FAM227B: variants seen among roughly 807,000 people sequenced by gnomAD.
The protein encoded by FAM227B is family with sequence similarity 227 member B, also known as protein FAM227B.
In FAM227B, 88 loss-of-function variants were observed where a neutral mutation model predicts 73.8. That is an observed-to-expected ratio of 1.19 (90% CI 1.00 to 1.42). FAM227B has a LOEUF of 1.42. Among genes scored for constraint, FAM227B ranks in the 40% most tolerant of loss-of-function variants. The pLI, the probability that FAM227B is intolerant of heterozygous loss-of-function variation, is 0.00. For synonymous variants in FAM227B, 210 were observed against 190.5 expected, an observed-to-expected ratio of 1.10 and a Z score of -0.84; for missense variants, 632 against 590.9, an observed-to-expected ratio of 1.07 and a Z score of -0.72.
At chr15:49,471,099 T>C (rs2054699316) in intron 11 of FAM227B, among the ~76,000 whole-genome samples, 1 of 152,152 alleles carries the variant, frequency 6.6e-6, no homozygotes, top group African/African-American at 2.4e-5. Context: ...AAAAGATAAG[T>C]ACTTTTAAAG....
intron 13 of FAM227B, among the ~76,000 whole-genome samples, chr15:49,357,981 A>G (rs1185693175): frequency 6.6e-6 from 1 of 152,098 alleles, no homozygotes; most frequent in Non-Finnish European, 1.5e-5. Context: ...AGCCAAAGAC[A>G]AAAACCACAT....
intron 11 of FAM227B, among the ~76,000 whole-genome samples, chr15:49,492,469 T>C (rs2057203131): frequency 6.6e-6 from 1 of 151,904 alleles, no homozygotes; most frequent in African/African-American, 2.4e-5. Flanking sequence ...TAAGTTTCTA[T>C]AGTTTACAGC....
intron 8 of FAM227B, chr15:49,574,622 A>C (rs1172797460): frequency 6.5e-6 from 1 of 153,358 alleles, no homozygotes; most frequent in Non-Finnish European, 1.4e-5. Context: ...GCTCAGTCTT[A>C]GGTGGTTCTT....
chr15:49,427,393 T>C (rs1479909150), intron 11 of FAM227B, among the ~76,000 whole-genome samples: 1 of 152,040 alleles, frequency 6.6e-6, no homozygotes, highest in African/African-American at 2.4e-5. Context: ...TCTACTAGAA[T>C]GAAATGCAGC....
chr15:49,601,788 T>A (rs1441308404), intron 3 of FAM227B, among the ~76,000 whole-genome samples: 1 of 152,192 alleles, frequency 6.6e-6, no homozygotes, highest in East Asian at 1.9e-4. Context: ...CTCCCCACAA[T>A]CCTCCCACTC....
At chr15:49,555,876 C>T (rs534600675) in intron 9 of FAM227B, among the ~76,000 whole-genome samples, 6 of 152,286 alleles carry the variant, frequency 3.9e-5, no homozygotes, top group South Asian at 2.1e-4. Flanking sequence ...TCTTGAAGTG[C>T]GTTTTTCAGC....
chr15:49,567,266 T>C (rs1165743100), intron 9 of FAM227B, among the ~76,000 whole-genome samples: 1 of 151,258 alleles, frequency 6.6e-6, no homozygotes, highest in Non-Finnish European at 1.5e-5. Flanking sequence ...CACTGTTTGA[T>C]AACAATTTAA....
intron 11 of FAM227B, chr15:49,424,180 CT>C: frequency 1.1e-6 from 1 of 925,258 alleles, no homozygotes; most frequent in Non-Finnish European, 1.6e-6. Flanking sequence ...AGCAACTACT[CT>C]TTCTTAAATC....
chr15:49,446,887 A>G (rs144772170), intron 11 of FAM227B, among the ~76,000 whole-genome samples: 5 of 151,572 alleles, frequency 3.3e-5, no homozygotes, highest in Admixed American at 1.3e-4. Flanking sequence ...AGTGCTCACT[A>G]AAGAGAAGGA....
Position 49,589,785 on chromosome 15 carries a change from A to T in FAM227B, c.328T>A (p.Ser110Thr). The change falls in exon 4 of 16, where the codon TCT becomes ACT. Residue 110 changes from serine to threonine, a missense_variant. By Grantham distance (58) the Ser-to-Thr change is moderately conservative. Transcript: ENST00000299338. Reference protein sequence around the residue: ...SEIFKWKSMISETSSYRKLER... With the variant: ...SEIFKWKSMITETSSYRKLER... ...AATAAATAAGGCTCACTTGTCTCAG[A>T]AATCATGCTTTTCCACTTAAATATT... The T allele has an allele frequency of 1.9e-6, 3 of 1,566,814 alleles. No homozygotes were observed. The South Asian group carries it at 3.3e-5, about 17-fold the overall frequency.
chr15:49,431,133 T>TG (rs2050579907), intron 11 of FAM227B, among the ~76,000 whole-genome samples: 1 of 151,840 alleles, frequency 6.6e-6, no homozygotes, highest in African/African-American at 2.4e-5. Flanking sequence ...TTAAGTAATA[T>TG]GGAGAAAAAT....
chr15:49,452,438 C>T (rs1036750089), intron 11 of FAM227B, among the ~76,000 whole-genome samples: 2 of 152,154 alleles, frequency 1.3e-5, no homozygotes, highest in East Asian at 1.9e-4. Flanking sequence ...TATTTCTATA[C>T]TTGCTATGGG....
At chr15:49,350,402 T>G (rs2042072799) in intron 13 of FAM227B, among the ~76,000 whole-genome samples, 1 of 152,202 alleles carries the variant, frequency 6.6e-6, no homozygotes. Flanking sequence ...TTTCTTTAAA[T>G]TTTGCTCTAA....
At chr15:49,385,814 C>T (rs971237536) in intron 11 of FAM227B, among the ~76,000 whole-genome samples, 1 of 151,728 alleles carries the variant, frequency 6.6e-6, no homozygotes, top group African/African-American at 2.4e-5. Context: ...AAAGGTATTC[C>T]ATGCAAATGG....
At chr15:49,528,135 G>T (rs994049044) in intron 10 of FAM227B, among the ~76,000 whole-genome samples, 1 of 151,744 alleles carries the variant, frequency 6.6e-6, no homozygotes, top group Non-Finnish European at 1.5e-5. Context: ...AAATAACATA[G>T]TGCTGGTACA....
At chr15:49,501,660 C>T (rs1035473547) in intron 11 of FAM227B, among the ~76,000 whole-genome samples, 3 of 152,188 alleles carry the variant, frequency 2.0e-5, no homozygotes, top group Non-Finnish European at 4.4e-5. Flanking sequence ...AGAAAAGGCT[C>T]TTTTGGAAGA....
chr15:49,428,974 A>G (rs1402685548), intron 11 of FAM227B, among the ~76,000 whole-genome samples: 1 of 152,022 alleles, frequency 6.6e-6, no homozygotes, highest in East Asian at 1.9e-4. Flanking sequence ...TCAGCGACTC[A>G]TTTGTCAACA....
At chr15:49,376,254 A>G (rs1276763381) in intron 11 of FAM227B, among the ~76,000 whole-genome samples, 1 of 152,078 alleles carries the variant, frequency 6.6e-6, no homozygotes, top group Non-Finnish European at 1.5e-5. Flanking sequence ...TTATATTTTT[A>G]GCTATTATAT....
intron 11 of FAM227B, among the ~76,000 whole-genome samples, chr15:49,411,482 C>T (rs12913745): frequency 0.74 from 113,028 of 151,886 alleles, 42,403 homozygotes; most frequent in African/African-American, 0.79. Flanking sequence ...TTTGATGACA[C>T]TGGAAATAAA....
Sources: allele counts gnomAD v4.1 joint callset (sites outside exome capture counted in the v4.1 genomes callset), GRCh38; gene constraint gnomAD v4.1.1; transcripts MANE v1.5; gene names NCBI Gene and HGNC (gene_info 2026-07-23, HGNC 2026-07-21).